Variants in PRKD1 observed in about 807,000 individuals in gnomAD.
PRKD1 encodes serine/threonine-protein kinase D1.
PRKD1 carries 63 observed loss-of-function variants against 95.9 expected under a neutral mutation model. The observed-to-expected ratio is 0.66, with a 90% CI of 0.54 to 0.81. PRKD1 has a LOEUF of 0.81. Ranked by LOEUF, PRKD1 falls within the 30% of genes least tolerant of loss-of-function variation. The pLI is 0.00. For synonymous variants in PRKD1, 425 were observed against 423.1 expected, an observed-to-expected ratio of 1.00 and a Z score of -0.05; for missense variants, 1,048 against 1,165.3, an observed-to-expected ratio of 0.90 and a Z score of 1.47.
intron 2 of PRKD1, among the ~76,000 whole-genome samples, chr14:29,670,556 G>A (rs886639999): frequency 1.3e-5 from 2 of 152,150 alleles, no homozygotes; most frequent in African/African-American, 2.4e-5. Flanking sequence ...TTGGTGCACT[G>A]TCAGGGAAAT....
At chr14:29,629,178 A>T in intron 10 of PRKD1, 85 bp from the exon 11 acceptor site, 7 of 1,127,554 alleles carry the variant, frequency 6.2e-6, no homozygotes, top group Non-Finnish European at 9.0e-6. Flanking sequence ...CTTACAAATC[A>T]TCCTGCAAAA....
At chr14:29,611,019 C>A (rs1878422909) in intron 13 of PRKD1, among the ~76,000 whole-genome samples, 1 of 152,184 alleles carries the variant, frequency 6.6e-6, no homozygotes, top group African/African-American at 2.4e-5. Context: ...ATGTGAAGCA[C>A]AGAGGATTTT....
At chr14:29,609,958 G>A (rs1051988308) in intron 13 of PRKD1, among the ~76,000 whole-genome samples, 3 of 152,078 alleles carry the variant, frequency 2.0e-5, no homozygotes, top group Non-Finnish European at 4.4e-5. Flanking sequence ...ATCCAGGATT[G>A]CTGCAGACAC....
chr14:29,703,945 G>A (rs1884960330), intron 2 of PRKD1, among the ~76,000 whole-genome samples: 1 of 152,154 alleles, frequency 6.6e-6, no homozygotes, highest in Non-Finnish European at 1.5e-5. Flanking sequence ...AAACATCAGA[G>A]TGGGCAAGCC....
At chr14:29,814,860 T>C (rs1428540912) in intron 1 of PRKD1, among the ~76,000 whole-genome samples, 1 of 152,198 alleles carries the variant, frequency 6.6e-6, no homozygotes, top group Non-Finnish European at 1.5e-5. Flanking sequence ...TTTTAATGAC[T>C]AAGCAAAATA....
chr14:29,590,820 T>C (rs2138985904), intron 16 of PRKD1, among the ~76,000 whole-genome samples: 1 of 152,334 alleles, frequency 6.6e-6, no homozygotes, highest in East Asian at 1.9e-4. Context: ...AGACAGAGTC[T>C]GGCTCTGTCG....
chr14:29,759,082 A>T (rs145010111), intron 1 of PRKD1, among the ~76,000 whole-genome samples: 9 of 152,348 alleles, frequency 5.9e-5, no homozygotes, highest in Admixed American at 3.9e-4. Context: ...AACCATCATC[A>T]AAGCATTCCC....
intron 1 of PRKD1, among the ~76,000 whole-genome samples, chr14:29,907,488 A>C (rs1894533727): frequency 6.6e-6 from 1 of 152,248 alleles, no homozygotes; most frequent in Non-Finnish European, 1.5e-5. Context: ...TCTGAGATAT[A>C]ACAGTGAAAA....
intron 2 of PRKD1, among the ~76,000 whole-genome samples, chr14:29,668,357 G>A (rs1267786401): frequency 6.6e-6 from 1 of 152,122 alleles, no homozygotes; most frequent in East Asian, 1.9e-4. Context: ...GAGGAACAAT[G>A]GGCTATCTGT....
intron 16 of PRKD1, among the ~76,000 whole-genome samples, chr14:29,591,515 A>C (rs529646145): frequency 1.3e-5 from 2 of 152,134 alleles, no homozygotes; most frequent in African/African-American, 2.4e-5. Flanking sequence ...CTCAGTGCAA[A>C]ACGGCAGTTT....
intron 2 of PRKD1, among the ~76,000 whole-genome samples, chr14:29,710,440 A>G (rs780902352): frequency 5.3e-5 from 8 of 152,122 alleles, no homozygotes; most frequent in Non-Finnish European, 1.2e-4. Flanking sequence ...CTGTAACCCT[A>G]GTTTAATTAT....
intron 2 of PRKD1, among the ~76,000 whole-genome samples, chr14:29,717,648 A>G (rs1399381586): frequency 1.3e-5 from 2 of 152,160 alleles, no homozygotes; most frequent in Non-Finnish European, 2.9e-5. Context: ...TACCATCACT[A>G]TTGTTATATT....
intron 1 of PRKD1, among the ~76,000 whole-genome samples, chr14:29,857,730 C>A (rs1958991): frequency 1.3e-5 from 2 of 151,960 alleles, no homozygotes; most frequent in Non-Finnish European, 2.9e-5. Flanking sequence ...AAGCAGGCTG[C>A]GGGGAGGAGA....
chr14:29,720,995 T>C (rs1248423729), intron 2 of PRKD1, among the ~76,000 whole-genome samples: 4 of 152,190 alleles, frequency 2.6e-5, no homozygotes, highest in South Asian at 2.1e-4. Context: ...CACTCTCACA[T>C]AGCTGTAGCT....
chr14:29,649,367 T>G (rs1881344642), intron 4 of PRKD1, among the ~76,000 whole-genome samples: 1 of 152,140 alleles, frequency 6.6e-6, no homozygotes, highest in African/African-American at 2.4e-5. Context: ...GTGGCTTTCC[T>G]TTTGTCTCTG....
intron 1 of PRKD1, among the ~76,000 whole-genome samples, chr14:29,804,942 A>T (rs951615268): frequency 1.3e-5 from 2 of 152,220 alleles, no homozygotes; most frequent in Non-Finnish European, 2.9e-5. Flanking sequence ...AAAGTGCTAA[A>T]TTATAGAAAT....
At chr14:29,586,565 ATAT>A (rs142602071) in intron 16 of PRKD1, among the ~76,000 whole-genome samples, 2,384 of 152,230 alleles carry the variant, frequency 0.016, 51 homozygotes, top group African/African-American at 0.052. Context: ...CCCAAATCAA[ATAT>A]TATTTTATGT....
At chr14:29,699,485 C>T (rs1056274134) in intron 2 of PRKD1, among the ~76,000 whole-genome samples, 1 of 152,096 alleles carries the variant, frequency 6.6e-6, no homozygotes, top group Non-Finnish European at 1.5e-5. Context: ...CAGACCTTTG[C>T]AAATTTTTCC....
chr14:29,882,109 T>C (rs1013356226), intron 1 of PRKD1, among the ~76,000 whole-genome samples: 1 of 131,076 alleles, frequency 7.6e-6, no homozygotes, highest in Non-Finnish European at 1.6e-5. Flanking sequence ...CAGTAAGCAG[T>C]CAATAAATAT....
Sources: allele counts gnomAD v4.1 joint callset (sites outside exome capture counted in the v4.1 genomes callset), GRCh38; gene constraint gnomAD v4.1.1; transcripts MANE v1.5; gene names NCBI Gene and HGNC (gene_info 2026-07-23, HGNC 2026-07-21).